Variants in EHHADH observed in about 807,000 individuals in gnomAD.
The protein encoded by EHHADH is enoyl-CoA hydratase and 3-hydroxyacyl CoA dehydrogenase.
A neutral mutation model predicts 64.4 loss-of-function variants in EHHADH; 48 were observed. That is an observed-to-expected ratio of 0.75 (90% CI 0.59 to 0.95). The LOEUF (loss-of-function observed/expected upper bound fraction) is 0.95, where lower values mean the gene tolerates loss of function less well. EHHADH is among the 40% of genes least tolerant of loss of function. EHHADH has a pLI of 0.00. For synonymous variants in EHHADH, 308 were observed against 326.7 expected (o/e 0.94, Z 0.62); for missense variants, 854 against 876.6 (o/e 0.97, Z 0.33).
chr3:185,213,225 T>C (rs16859825), intron 5 of EHHADH, among the ~76,000 whole-genome samples: 19,057 of 151,418 alleles, frequency 0.13, 1,732 homozygotes, highest in African/African-American at 0.25. Flanking sequence ...ACCCTTGTTC[T>C]CTGTATATCA....
chr3:185,218,270 A>G, intron 4 of EHHADH, 30 bp from the exon 5 acceptor site: 3 of 1,515,410 alleles, frequency 2.0e-6, no homozygotes, highest in African/African-American at 1.4e-5. Context: ...CAATAACAAC[A>G]AATCAAAGAG....
intron 2 of EHHADH, among the ~76,000 whole-genome samples, chr3:185,245,122 TA>T (rs1012077129): frequency 6.6e-6 from 1 of 151,212 alleles, no homozygotes; most frequent in Non-Finnish European, 1.5e-5. Context: ...TTTGAGAAGC[TA>T]TTTTTTTTAC....
chr3:185,245,848 CT>C, intron 2 of EHHADH: 1 of 938,038 alleles, frequency 1.1e-6, no homozygotes, highest in Non-Finnish European at 1.7e-6. Context: ...TAACGAATTT[CT>C]TTTTCTCCCC....
At chr3:185,237,341 T>G (rs955379856) in intron 2 of EHHADH, among the ~76,000 whole-genome samples, 1 of 152,194 alleles carries the variant, frequency 6.6e-6, no homozygotes, top group African/African-American at 2.4e-5. Context: ...TTTTCATTCC[T>G]TATATCTTTT....
intron 2 of EHHADH, chr3:185,246,203 CT>C: frequency 1.0e-6 from 1 of 960,184 alleles, no homozygotes; most frequent in Non-Finnish European, 1.6e-6. Context: ...GTTTTTTTTT[CT>C]TTTTCTTTTG....
intron 4 of EHHADH, among the ~76,000 whole-genome samples, chr3:185,221,307 T>G (rs888145076): frequency 1.3e-5 from 2 of 152,186 alleles, no homozygotes; most frequent in Non-Finnish European, 2.9e-5. Flanking sequence ...GCACAATAAA[T>G]TGTCTCATGT....
chr3:185,213,959 C>T (rs1271562723), intron 5 of EHHADH, among the ~76,000 whole-genome samples: 1 of 151,384 alleles, frequency 6.6e-6, no homozygotes, highest in Non-Finnish European at 1.5e-5. Flanking sequence ...GGCACAATAC[C>T]TCAAATGAAA....
At chr3:185,228,212 C>T (rs529969842) in intron 4 of EHHADH, among the ~76,000 whole-genome samples, 76 of 100,536 alleles carry the variant, frequency 7.6e-4, no homozygotes, top group African/African-American at 2.5e-3. Flanking sequence ...TCCAGCCTGG[C>T]GATAGAGTGA....
chr3:185,221,874 C>T (rs1718844410), intron 4 of EHHADH, among the ~76,000 whole-genome samples: 1 of 151,698 alleles, frequency 6.6e-6, no homozygotes, highest in African/African-American at 2.4e-5. Flanking sequence ...GTGCCCGGCC[C>T]GCCTCACATT....
intron 1 of EHHADH, among the ~76,000 whole-genome samples, chr3:185,251,088 T>G (rs1577380247): frequency 6.6e-6 from 1 of 152,162 alleles, no homozygotes; most frequent in East Asian, 1.9e-4. Flanking sequence ...GCCGCAGAAG[T>G]TATGAAATTA....
chr3:185,247,626 A>G lies in EHHADH; in HGVS notation c.178+788T>C, dbSNP rs574488608. On this transcript the variant is annotated intron_variant, in intron 2 of 6. Coordinates refer to ENST00000231887, the MANE Select transcript of EHHADH (RefSeq NM_001966.4). ...ATAAATGGTAATATTATAATGATTC[A>G]CATTTTTATATTTATTTATTGCCAT... Among the ~76,000 whole-genome samples, 143 of 152,280 alleles carry G rather than the reference A, an allele frequency of 9.4e-4. 1 individual carries two copies. The highest frequency in any genetic ancestry group is 3.2e-3 in the African/African-American group (135 of 41,566).
intron 4 of EHHADH, among the ~76,000 whole-genome samples, chr3:185,226,644 C>A: frequency 1.3e-5 from 1 of 74,792 alleles, no homozygotes; most frequent in East Asian, 3.7e-4. Flanking sequence ...AGTGAAACTC[C>A]ATCTCCAAAA....
intron 5 of EHHADH, among the ~76,000 whole-genome samples, chr3:185,213,308 C>A (rs1226370939): frequency 1.3e-5 from 2 of 152,040 alleles, no homozygotes; most frequent in East Asian, 1.9e-4. Context: ...GATACAAATT[C>A]TTGGGCCCCA....
chr3:185,214,280 A>G (rs909289221), intron 5 of EHHADH, among the ~76,000 whole-genome samples: 14 of 152,198 alleles, frequency 9.2e-5, no homozygotes, highest in Admixed American at 7.2e-4. Flanking sequence ...GCACCCAACC[A>G]CTGTAGCCTG....
intron 5 of EHHADH, among the ~76,000 whole-genome samples, chr3:185,217,334 C>T (rs1560013006): frequency 6.6e-6 from 1 of 151,970 alleles, no homozygotes; most frequent in Non-Finnish European, 1.5e-5. Flanking sequence ...ATCACGAGGT[C>T]AGGAGTTCGA....
intron 5 of EHHADH, among the ~76,000 whole-genome samples, chr3:185,215,610 C>T (rs1385191695): frequency 6.6e-6 from 1 of 152,164 alleles, no homozygotes; most frequent in Non-Finnish European, 1.5e-5. Context: ...TACCAAAATT[C>T]ACCAAACTCC....
chr3:185,229,444 A>G lies in EHHADH; in HGVS notation c.451T>C (p.Leu151=). ...RLTGVPAALD[L]ITSGRRILAD... is the part of the protein sequence containing the mutation. ...GGTCTATACTGACCTGAGGTAATTA[A>G]GTCAAGTGCAGCAGGAACTCCAGTG... The change falls in exon 4 of 7, where the codon TTA becomes CTA. Residue 151 remains leucine, a synonymous_variant. Coordinates refer to ENST00000231887, the MANE Select transcript of EHHADH (RefSeq NM_001966.4). 6.5e-7 allele frequency: 1 copy of G among 1,538,710 alleles called. No individual in the cohort carries two copies. Among genetic ancestry groups the G allele is most frequent in the Non-Finnish European group, 8.8e-7 (1 of 1,135,536 alleles).
chr3:185,202,669 C>T (rs1052197928), intron 6 of EHHADH, among the ~76,000 whole-genome samples: 4 of 152,216 alleles, frequency 2.6e-5, no homozygotes, highest in Non-Finnish European at 5.9e-5. Flanking sequence ...CACAGGAGCG[C>T]GAACCCTATT....
rs146622493 is a variant in EHHADH, at chr3:185,236,090, C to T, written c.179-628G>A. Among the ~76,000 whole-genome samples the T allele has an allele frequency of 5.6e-3, 855 of 152,154 alleles. 11 individuals carry two copies. Among genetic ancestry groups the T allele is most frequent in the African/African-American group, 0.02 (810 of 41,510 alleles). On this transcript the variant is annotated intron_variant, in intron 2 of 6. Transcript: ENST00000231887. Reference sequence around the variant, plus strand: ...TGTATTATGGAAAATTTGAAAACCACGCAAAATTAAAAAGAACATGAAGAT... The same window carrying T: ...TGTATTATGGAAAATTTGAAAACCATGCAAAATTAAAAAGAACATGAAGAT...
Sources: allele counts gnomAD v4.1 joint callset (sites outside exome capture counted in the v4.1 genomes callset), GRCh38; gene constraint gnomAD v4.1.1; transcripts MANE v1.5; gene names NCBI Gene and HGNC (gene_info 2026-07-23, HGNC 2026-07-21).